Variants in MAML2 observed in about 807,000 individuals in gnomAD.
MAML2 encodes the protein mastermind-like protein 2.
A neutral mutation model predicts 96.1 loss-of-function variants in MAML2; 22 were observed. The observed-to-expected ratio is 0.23, with a 90% CI of 0.16 to 0.33. MAML2 has a LOEUF of 0.33. Ranked by LOEUF, MAML2 falls within the 10% of genes least tolerant of loss-of-function variation. The pLI is 1.00. For synonymous variants in MAML2, 561 were observed against 521.3 expected (o/e 1.08, Z -1.04); for missense variants, 1,367 against 1,392.4 (o/e 0.98, Z 0.29).
intron 1 of MAML2, among the ~76,000 whole-genome samples, chr11:96,292,287 A>G (rs1042561912): frequency 6.6e-6 from 1 of 152,228 alleles, no homozygotes; most frequent in Non-Finnish European, 1.5e-5. Flanking sequence ...CCTTAAAAAT[A>G]ACACTTTGGA....
intron 1 of MAML2, among the ~76,000 whole-genome samples, chr11:96,169,659 C>CTTTTTTTTTTTTTTT (rs5793784): frequency 6.9e-6 from 1 of 144,894 alleles, no homozygotes; most frequent in African/African-American, 2.6e-5. Context: ...AGAAAGTAAA[C>CTTTTTTTTTTTTTTT]TTTTTTTTTT....
chr11:96,092,008 G>T lies in MAML2; in HGVS notation c.2023C>A (p.Pro675Thr). Residue 675 changes from proline (P) to threonine (T), a missense_variant, in exon 2 of 5, where the codon CCA (proline) becomes ACA (threonine). Transcript: ENST00000524717. The surrounding 1 kb of genome is among the most constrained non-coding windows in gnomAD (Gnocchi z 4.1). ...GGTGACCTTAGCAAAGGCTGGCTTG[G>T]TAGAGATTGGGCAGGCTGAGAAGAT... ...QPSSQPAQSLPSQPLLRSPLP... is the reference protein window; with the variant it reads ...QPSSQPAQSLTSQPLLRSPLP... The T allele has an allele frequency of 6.3e-7, 1 of 1,579,322 alleles. No individual in the cohort carries two copies.
At chr11:96,100,668 ATTTGTTCCATAAC>A (rs1429671490) in intron 1 of MAML2, among the ~76,000 whole-genome samples, 4 of 151,226 alleles carry the variant, frequency 2.6e-5, no homozygotes, top group African/African-American at 7.3e-5. Context: ...TTTCTAGAAA[ATTTGTTCCATAAC>A]TTTGTTCCAT....
chr11:96,093,807 AT>A (rs938594611), intron 1 of MAML2, among the ~76,000 whole-genome samples: 33 of 152,346 alleles, frequency 2.2e-4, no homozygotes, highest in African/African-American at 7.2e-4. Context: ...ATTCCTTCAA[AT>A]ATCATAAGAA....
At chr11:96,177,136 C>T (rs1861399441) in intron 1 of MAML2, among the ~76,000 whole-genome samples, 1 of 152,178 alleles carries the variant, frequency 6.6e-6, no homozygotes, top group African/African-American at 2.4e-5. Flanking sequence ...TCCAGATATA[C>T]TGCTGGTTTA....
intron 3 of MAML2, among the ~76,000 whole-genome samples, chr11:95,988,644 G>A (rs1028638543): frequency 1.5e-4 from 23 of 148,806 alleles, no homozygotes; most frequent in East Asian, 1.9e-4. Flanking sequence ...TAAACTACTC[G>A]TTCACAAATG....
In MAML2 at chr11:96,341,495, T is replaced by A; in HGVS notation, c.401A>T (p.His134Leu). Residue 134 changes from histidine to leucine, a missense_variant, in exon 1 of 5, where the codon CAC becomes CTC. His to Leu is a moderately conservative substitution (Grantham distance 99). Transcript: ENST00000524717. ...GCTACTGTTCAGCAGGTGCTGCTGG[T>A]GGTGATGGTGATAGTCTGGTGGGGG... The part of the protein sequence containing the change: ...PPPPPDYHHH[H>L]QQHLLNSSNN... 1 of 1,549,812 alleles carries A rather than the reference T, an allele frequency of 6.5e-7. No individual in the cohort carries two copies. Among genetic ancestry groups the A allele is most frequent in the African/African-American group, 1.4e-5 (1 of 72,380 alleles).
rs954541415 is a variant in MAML2, at chr11:96,174,039, G to A, written c.514-80522C>T. Among the ~76,000 whole-genome samples, 8 of 152,178 alleles carry A rather than the reference G, an allele frequency of 5.3e-5. No homozygotes were observed. The East Asian group carries it at 5.8e-4, about 11-fold the overall frequency. ...AAGCAGCAATGACTTCACAAAAGGC[G>A]GCAACAGAATCGTCAAGGCAGAGGA... On this transcript the variant is annotated intron_variant, in intron 1 of 4. Transcript: ENST00000524717.
intron 1 of MAML2, among the ~76,000 whole-genome samples, chr11:96,218,164 G>A (rs543855713): frequency 2.0e-5 from 3 of 152,146 alleles, no homozygotes; most frequent in Admixed American, 1.3e-4. Context: ...TAGAAAAAAC[G>A]TTTGGTGTGC....
At chr11:96,152,461 ACCTTAAATATCATATAGCACATGG>A (rs1329203299) in intron 1 of MAML2, among the ~76,000 whole-genome samples, 3 of 152,230 alleles carry the variant, frequency 2.0e-5, no homozygotes, top group Non-Finnish European at 4.4e-5. Context: ...GTTCTCACTT[ACCTTAAATATCATATAGCACATGG>A]CCAGCAAGAA....
chr11:96,047,844 G>A (rs556216885), intron 2 of MAML2, among the ~76,000 whole-genome samples: 11 of 144,774 alleles, frequency 7.6e-5, no homozygotes, highest in African/African-American at 2.5e-4. Context: ...CCCAGGAGGC[G>A]GAGGTTGCAG....
intron 1 of MAML2, among the ~76,000 whole-genome samples, chr11:96,276,716 C>T (rs184800784): frequency 1.0e-3 from 154 of 148,584 alleles, no homozygotes; most frequent in African/African-American, 3.6e-3. Flanking sequence ...AAGTGGCTTG[C>T]GAAAAGGCTA....
chr11:96,037,429 T>C (rs1471959296), intron 2 of MAML2, among the ~76,000 whole-genome samples: 2 of 152,196 alleles, frequency 1.3e-5, no homozygotes, highest in African/African-American at 2.4e-5. Flanking sequence ...TTATACACGG[T>C]TGTAAGACAG....
intron 1 of MAML2, among the ~76,000 whole-genome samples, chr11:96,322,424 C>T (rs1863716035): frequency 6.6e-6 from 1 of 152,218 alleles, no homozygotes; most frequent in Non-Finnish European, 1.5e-5. Context: ...ATGGGCGGGG[C>T]ACAGTGGCTC....
intron 2 of MAML2, among the ~76,000 whole-genome samples, chr11:96,042,379 C>A (rs1179461555): frequency 6.6e-6 from 1 of 152,196 alleles, no homozygotes. Flanking sequence ...GCCTCGGCCT[C>A]CCAAAGTGCT....
At chr11:96,232,114 T>C (rs1031683650) in intron 1 of MAML2, among the ~76,000 whole-genome samples, 1 of 152,210 alleles carries the variant, frequency 6.6e-6, no homozygotes, top group African/African-American at 2.4e-5. Flanking sequence ...ATCACTGTGC[T>C]TGTGAGTCTG....
chr11:95,985,448 T>C (rs1857809943), intron 4 of MAML2, 83 bp downstream of exon 4: 2 of 729,422 alleles, frequency 2.7e-6, no homozygotes, highest in East Asian at 5.5e-5. Flanking sequence ...TATAATCATA[T>C]GTGAGTTACA....
At chr11:96,324,536 C>T (rs567049175) in intron 1 of MAML2, among the ~76,000 whole-genome samples, 31 of 152,204 alleles carry the variant, frequency 2.0e-4, no homozygotes, top group African/African-American at 6.7e-4. Flanking sequence ...TTATGGAATG[C>T]TTGTGTAATA....
intron 1 of MAML2, among the ~76,000 whole-genome samples, chr11:96,232,882 C>T (rs1349668567): frequency 6.6e-6 from 1 of 152,226 alleles, no homozygotes; most frequent in East Asian, 1.9e-4. Context: ...TACTCTCTTA[C>T]TTCCTTCAAA....
Sources: gnomAD v4.1 joint callset for allele counts (sites outside exome capture counted in the v4.1 genomes callset) on GRCh38, gnomAD v4.1.1 for gene constraint, Gnocchi (gnomAD v3.1) non-coding constraint, MANE v1.5 for transcripts, NCBI Gene and HGNC (gene_info 2026-07-23, HGNC 2026-07-21) for gene names.